Variants in LBX1 observed in about 807,000 individuals in gnomAD.
The protein encoded by LBX1 is transcription factor LBX1.
Under a neutral mutation model 19.9 loss-of-function variants are expected in LBX1, and 6 were observed. The observed-to-expected ratio is 0.30, with a 90% CI of 0.17 to 0.60. The LOEUF (loss-of-function observed/expected upper bound fraction) is 0.60, where lower values mean the gene tolerates loss of function less well. Ranked by LOEUF, LBX1 falls within the 20% of genes least tolerant of loss-of-function variation. The pLI is 0.87. For synonymous variants in LBX1, 190 were observed against 189.3 expected (o/e 1.00, Z -0.03); for missense variants, 344 against 393.7 (o/e 0.87, Z 1.07).
rs1451769597 is a variant in LBX1, at chr10:101,228,648, C to G, written c.168G>C (p.Ala56=). ...TGTCCGCGGCGGCCAGCAGGTGCGC[C>G]GCCCCGCACAGCGAGTAACTTCTCC... is the stretch of plus-strand genomic sequence containing the variant. The part of the protein sequence containing the change: ...SVRRSYSLCG[A]AHLLAAADKH... Residue 56 remains alanine, a synonymous_variant, in exon 1 of 2, where the codon GCG becomes GCC. Transcript: ENST00000370193. 1.9e-6 allele frequency: 3 copies of G among 1,593,200 alleles called. No homozygotes were observed. Among genetic ancestry groups the G allele is most frequent in the Non-Finnish European group, 2.6e-6 (3 of 1,171,292 alleles).
chr10:101,227,730 C>A lies in LBX1; in HGVS notation c.386G>T (p.Arg129Leu). 1 of 1,610,774 alleles carries A rather than the reference C, an allele frequency of 6.2e-7. No homozygotes were observed. Among genetic ancestry groups the A allele is most frequent in the South Asian group, 1.1e-5 (1 of 90,806 alleles). ...GATCTGGTGGTTGGTGAAGGCCGTG[C>A]GCGACTTTCGCCGCTTCTTAGGGGT... Reference protein sequence around the residue: ...RQTPKKRRKSRTAFTNHQIYE... With the variant: ...RQTPKKRRKSLTAFTNHQIYE... Residue 129 changes from arginine (R) to leucine (L), a missense_variant, in exon 2 of 2, where the codon CGC (arginine) becomes CTC (leucine). Transcript: ENST00000370193.
In LBX1 at chr10:101,228,505, A is replaced by C; in HGVS notation, c.311T>G (p.Leu104Arg). The C allele has an allele frequency of 6.4e-7, 1 of 1,551,366 alleles. No homozygotes were observed. The highest frequency in any genetic ancestry group is 8.7e-7 in the Non-Finnish European group (1 of 1,147,634). ...GCTGCGCCTACCTTCGGCTGCCTGC[A>C]GAACGCTGACCTCCAGCCCCTTAAA... ...KTFKGLEVSV[L>R]QAAEGRDGMT... Residue 104 changes from leucine to arginine, a missense_variant, in exon 1 of 2, where the codon CTG (leucine) becomes CGG (arginine). Coordinates refer to ENST00000370193, the MANE Select transcript of LBX1 (RefSeq NM_006562.5).
At chr10:101,228,398 G>A in intron 1 of LBX1, 93 bp downstream of exon 1, 1 of 966,216 alleles carries the variant, frequency 1.0e-6, no homozygotes, top group Non-Finnish European at 1.5e-6. Flanking sequence ...GGCGGCCGGA[G>A]AGGGCAGAGG....
Position 101,228,749 on chromosome 10 carries a change from G to A in LBX1, c.67C>T (p.Leu23=), listed in dbSNP as rs1328175825. 5.6e-6 allele frequency: 9 copies of A among 1,604,090 alleles called. No individual in the cohort carries two copies. Among genetic ancestry groups the A allele is most frequent in the Non-Finnish European group, 7.6e-6 (9 of 1,177,012 alleles). Residue 23 remains leucine, a synonymous_variant, in exon 1 of 2, where the codon CTG becomes TTG. Transcript: ENST00000370193. The stretch of plus-strand genomic sequence containing the variant: ...TTGTTGGAGTTGGCAGGCGGAGGCA[G>A]GTGGTCCAGCGGGCTGCGCCGCCGC... ...EERRRSPLDH[L]PPPANSNKPL... is the part of the protein sequence containing the mutation.
At chr10:101,227,821 T>G in intron 1 of LBX1, 31 bp from the exon 2 acceptor site, 1 of 1,529,992 alleles carries the variant, frequency 6.5e-7, no homozygotes, top group Non-Finnish European at 8.8e-7. Context: ...AGGCTCGCGT[T>G]GGGAGAGAGG....
Position 101,227,440 on chromosome 10 carries a change from C to G in LBX1, c.676G>C (p.Gly226Arg), listed in dbSNP as rs1332345860. Residue 226 changes from glycine (G) to arginine (R), a missense_variant, in exon 2 of 2, where the codon GGC (glycine) becomes CGC (arginine). By Grantham distance (125) the Gly-to-Arg change is moderately radical (BLOSUM62 -2). Transcript: ENST00000370193. ...EATAGGGGGC[G>R]RAKSRPGSPV... ...GAGCCGGGCCTCGACTTGGCCCTGC[C>G]GCAGCCGCCGCCACCGCCGGCTGTG... 2 of 1,594,678 alleles carry G rather than the reference C, an allele frequency of 1.3e-6. No individual in the cohort carries two copies. The highest frequency in any genetic ancestry group is 1.7e-6 in the Non-Finnish European group (2 of 1,170,862).
At chr10:101,228,218 T>C (rs1387187667) in intron 1 of LBX1, among the ~76,000 whole-genome samples, 1 of 152,080 alleles carries the variant, frequency 6.6e-6, no homozygotes, top group Non-Finnish European at 1.5e-5. Flanking sequence ...CCCAGGACAC[T>C]GGGAACGCAA....
intron 1 of LBX1, 73 bp downstream of exon 1, chr10:101,228,418 G>A: frequency 8.3e-7 from 1 of 1,208,516 alleles, no homozygotes; most frequent in Non-Finnish European, 1.2e-6. Flanking sequence ...GCGAGCAGAG[G>A]CATAGGGGAC....
rs141161147 is a variant in LBX1 at position 101,227,296 on chromosome 10, C to T, written c.820G>A (p.Asp274Asn). 92 of 1,607,366 alleles carry T rather than the reference C, an allele frequency of 5.7e-5. No individual in the cohort carries two copies. The highest frequency in any genetic ancestry group is 1.0e-4 in the Admixed American group (6 of 59,788). ...CAATCGTCCACGTCGATCTCTTCGTCTTCCTCGTCCTCCGAGCAGTCCTGG... is the reference window on the plus strand; with the variant it reads ...CAATCGTCCACGTCGATCTCTTCGTTTTCCTCGTCCTCCGAGCAGTCCTGG... ...SSQDCSEDEE[D>N]EEIDVDD Residue 274 changes from aspartate (D) to asparagine (N), a missense_variant, in exon 2 of 2, where the codon GAC becomes AAC. By Grantham distance (23) the Asp-to-Asn change is conservative. Around this residue, in one of 3 missense-constraint regions of LBX1, gnomAD observed 146 missense variants for 124.2 expected, o/e 1.18. Coordinates refer to ENST00000370193, the MANE Select transcript of LBX1 (RefSeq NM_006562.5).
rs758965574 is a variant in LBX1, at chr10:101,227,377, C to A, written c.739G>T (p.Ala247Ser). 6.2e-7 allele frequency: 1 copy of A among 1,605,718 alleles called. No individual in the cohort carries two copies. Among genetic ancestry groups the A allele is most frequent in the Non-Finnish European group, 8.5e-7 (1 of 1,177,722 alleles). ...LPPGAPKAPG[A>S]GALQLSPASP... Reference sequence around the variant, plus strand: ...GCAGGCGAGAGCTGCAGGGCGCCAGCGCCCGGGGCCTTCGGGGCGCCTGGG... The same window carrying A: ...GCAGGCGAGAGCTGCAGGGCGCCAGAGCCCGGGGCCTTCGGGGCGCCTGGG... Residue 247 changes from alanine to serine, a missense_variant, in exon 2 of 2, where the codon GCT becomes TCT. Ala to Ser is a moderately conservative substitution (Grantham distance 99). Transcript: ENST00000370193.
Position 101,228,618 on chromosome 10 carries a change from G to A in LBX1, c.198C>T (p.His66=), listed in dbSNP as rs1173602358. 1 of 1,572,406 alleles carries A rather than the reference G, an allele frequency of 6.4e-7. No homozygotes were observed. Among genetic ancestry groups the A allele is most frequent in the Non-Finnish European group, 8.6e-7 (1 of 1,159,500 alleles). The change falls in exon 1 of 2, where the codon CAC becomes CAT. Residue 66 remains histidine (H), a synonymous_variant. Coordinates refer to ENST00000370193, the MANE Select transcript of LBX1 (RefSeq NM_006562.5). ...CCGCCAGGGGCAAGCCGCCCTGCGC[G>A]TGCTTGTCCGCGGCGGCCAGCAGGT... ...AAHLLAAADK[H]AQGGLPLAGR...
At position 101,228,944 on chromosome 10, in the gene LBX1, G is replaced by A; in HGVS notation, c.-129C>T. 2.4e-6 allele frequency: 1 copy of A among 424,770 alleles called. No individual in the cohort carries two copies. The highest frequency in any genetic ancestry group is 3.4e-6 in the Non-Finnish European group (1 of 292,272). The allele number at this position is 424,770 out of a possible 1,614,324, so 26.3% of individuals were successfully genotyped here. A position where few individuals can be genotyped will look rare whatever the true frequency, so the allele number is the denominator to read the frequency against. On this transcript the variant is annotated 5_prime_UTR_variant, in exon 1 of 2. Coordinates refer to ENST00000370193, the MANE Select transcript of LBX1 (RefSeq NM_006562.5). The stretch of plus-strand genomic sequence containing the variant: ...AAGGAGGCCGCACTGGGCAGGGCGC[G>A]GGCCGGGCGCGGGGCCGATTAGCGC...
At chr10:101,227,907 C>T in intron 1 of LBX1, 117 bp from the exon 2 acceptor site, 1 of 955,726 alleles carries the variant, frequency 1.0e-6, no homozygotes, top group Non-Finnish European at 1.5e-6. Context: ...ACCAATGTTC[C>T]CTTCTCAGAT....
chr10:101,227,824 GA>G, intron 1 of LBX1, 34 bp from the exon 2 acceptor site: 1 of 1,528,694 alleles, frequency 6.5e-7, no homozygotes, highest in Non-Finnish European at 8.8e-7. Flanking sequence ...CTCGCGTTGG[GA>G]GAGAGGAAGC....
At position 101,227,294 on chromosome 10, in the gene LBX1, G is replaced by C. The variant is rs1284163300; in HGVS notation, c.822C>G (p.Asp274Glu). 1.2e-6 allele frequency: 2 copies of C among 1,607,054 alleles called. No homozygotes were observed. Among genetic ancestry groups the C allele is most frequent in the Non-Finnish European group, 8.5e-7 (1 of 1,178,178 alleles). The change falls in exon 2 of 2, where the codon GAC becomes GAG. Residue 274 changes from aspartate (D) to glutamate (E), a missense_variant. By Grantham distance (45) the Asp-to-Glu change is conservative (BLOSUM62 2). Coordinates refer to ENST00000370193, the MANE Select transcript of LBX1 (RefSeq NM_006562.5). ...CTCAATCGTCCACGTCGATCTCTTC[G>C]TCTTCCTCGTCCTCCGAGCAGTCCT... ...SSQDCSEDEEDEEIDVDD is the reference protein window; with the variant it reads ...SSQDCSEDEEEEEIDVDD
chr10:101,228,630 G>C lies in LBX1; in HGVS notation c.186C>G (p.Ala62=). Residue 62 remains alanine, a synonymous_variant, in exon 1 of 2, where the codon GCC becomes GCG. Coordinates refer to ENST00000370193, the MANE Select transcript of LBX1 (RefSeq NM_006562.5). ...SLCGAAHLLA[A]ADKHAQGGLP... Reference sequence around the variant, plus strand: ...AGCCGCCCTGCGCGTGCTTGTCCGCGGCGGCCAGCAGGTGCGCCGCCCCGC... The same window carrying C: ...AGCCGCCCTGCGCGTGCTTGTCCGCCGCGGCCAGCAGGTGCGCCGCCCCGC... 1 of 1,580,638 alleles carries C rather than the reference G, an allele frequency of 6.3e-7. No individual in the cohort carries two copies. Among genetic ancestry groups the C allele is most frequent in the Non-Finnish European group, 8.6e-7 (1 of 1,164,500 alleles).
Position 101,228,711 on chromosome 10 carries a change from C to A in LBX1, c.105G>T (p.Pro35=). Reference sequence around the variant, plus strand: ...TGTTGAGGATGTCCTCGATGCTGAACGGCGTCAGTGGCTTGTTGGAGTTGG... The same window carrying A: ...TGTTGAGGATGTCCTCGATGCTGAAAGGCGTCAGTGGCTTGTTGGAGTTGG... ...PPANSNKPLT[P]FSIEDILNKP... Residue 35 remains proline, a synonymous_variant, in exon 1 of 2, where the codon CCG becomes CCT. Transcript: ENST00000370193. The A allele has an allele frequency of 6.2e-7, 1 of 1,608,312 alleles. No individual in the cohort carries two copies. The highest frequency in any genetic ancestry group is 1.1e-5 in the South Asian group (1 of 90,136).
rs1415651462 is a variant in LBX1 at position 101,228,509 on chromosome 10, C to T, written c.307G>A (p.Val103Ile). ...CGCCTACCTTCGGCTGCCTGCAGAA[C>T]GCTGACCTCCAGCCCCTTAAACGTC... ...SKTFKGLEVS[V>I]LQAAEGRDGM... The change falls in exon 1 of 2, where the codon GTT becomes ATT. Residue 103 changes from valine (V) to isoleucine (I), a missense_variant. By Grantham distance (29) the Val-to-Ile change is conservative (BLOSUM62 3). Coordinates refer to ENST00000370193, the MANE Select transcript of LBX1 (RefSeq NM_006562.5). 6.4e-7 allele frequency: 1 copy of T among 1,552,118 alleles called. No homozygotes were observed. The highest frequency in any genetic ancestry group is 8.7e-7 in the Non-Finnish European group (1 of 1,148,022).
At position 101,228,786 on chromosome 10, in the gene LBX1, C is replaced by A. The variant is rs781726145; in HGVS notation, c.30G>T (p.Ala10=). The change falls in exon 1 of 2, where the codon GCG becomes GCT. Residue 10 remains alanine, a synonymous_variant. Coordinates refer to ENST00000370193, the MANE Select transcript of LBX1 (RefSeq NM_006562.5). MTSKEDGKA[A]PGEERRRSPL... The stretch of plus-strand genomic sequence containing the variant: ...GGCTGCGCCGCCGCTCCTCCCCCGG[C>A]GCCGCCTTGCCGTCCTCCTTGGAAG... 3.8e-6 allele frequency: 6 copies of A among 1,597,442 alleles called. No individual in the cohort carries two copies. The Admixed American group carries it at 6.8e-5, about 18-fold the overall frequency.
Sources: gnomAD v4.1 joint callset for allele counts (sites outside exome capture counted in the v4.1 genomes callset) on GRCh38, gnomAD v4.1.1 for gene constraint, gnomAD v4.1.1 regional missense constraint, MANE v1.5 for transcripts, NCBI Gene and HGNC (gene_info 2026-07-23, HGNC 2026-07-21) for gene names.